Variants in BACE1 observed in about 807,000 individuals in gnomAD.
BACE1 encodes APP beta-secretase.
In BACE1, 21 loss-of-function variants were observed where a neutral mutation model predicts 54.0. The observed-to-expected ratio is 0.39, with a 90% CI of 0.28 to 0.56. The LOEUF (loss-of-function observed/expected upper bound fraction) is 0.56. BACE1 is among the 20% of genes least tolerant of loss of function. The probability of loss-of-function intolerance (pLI) is 0.63; values close to 1 mark genes in which losing one functional copy is unlikely to be tolerated. For synonymous variants in BACE1, 232 were observed against 260.9 expected, an observed-to-expected ratio of 0.89 and a Z score of 1.07; for missense variants, 511 against 661.2, an observed-to-expected ratio of 0.77 and a Z score of 2.49.
intron 1 of BACE1, among the ~76,000 whole-genome samples, chr11:117,305,979 T>G (rs2034825606): frequency 6.6e-6 from 1 of 152,088 alleles, no homozygotes; most frequent in Admixed American, 6.6e-5. Context: ...GAGCTTGCAG[T>G]GAGCCCAGAT....
At chr11:117,291,114 T>G in intron 6 of BACE1, 65 bp from the exon 7 acceptor site, 1 of 1,564,230 alleles carries the variant, frequency 6.4e-7, no homozygotes, top group Non-Finnish European at 8.7e-7. Flanking sequence ...CCTCCCATGT[T>G]CAGATACATT....
chr11:117,295,302 G>A lies in BACE1; in HGVS notation c.396C>T (p.Tyr132=), dbSNP rs779271868. 1 of 1,614,234 alleles carries A rather than the reference G, an allele frequency of 6.2e-7. No individual in the cohort carries two copies. Among genetic ancestry groups the A allele is most frequent in the Non-Finnish European group, 8.5e-7 (1 of 1,180,036 alleles). The change falls in exon 3 of 9, where the codon TAC becomes TAT. Residue 132 remains tyrosine, a synonymous_variant. Transcript: ENST00000313005. ...GCTCCCCTTCCCACTTGCCCTGGGT[G>A]TAGGGCACATACACACCCTTCCGGA... ...RDLRKGVYVP[Y]TQGKWEGELG...
At chr11:117,296,743 TCGCCC>T in intron 2 of BACE1, 125 bp downstream of exon 2, 2 of 687,454 alleles carry the variant, frequency 2.9e-6, no homozygotes, top group Admixed American at 5.9e-5. Flanking sequence ...TGTCTTTTTT[TCGCCC>T]TTCCCCTTCC....
chr11:117,310,067 C>A (rs1035742893), intron 1 of BACE1, among the ~76,000 whole-genome samples: 1 of 152,034 alleles, frequency 6.6e-6, no homozygotes, highest in South Asian at 2.1e-4. Flanking sequence ...CAGCACCACA[C>A]CTGGCTAATT....
intron 1 of BACE1, among the ~76,000 whole-genome samples, chr11:117,311,321 G>C (rs944622533): frequency 3.3e-5 from 5 of 152,158 alleles, no homozygotes; most frequent in African/African-American, 1.2e-4. Flanking sequence ...GAGAGACCCT[G>C]TAATTAATAA....
intron 1 of BACE1, among the ~76,000 whole-genome samples, chr11:117,305,802 G>A (rs1591866727): frequency 1.3e-5 from 2 of 152,022 alleles, no homozygotes; most frequent in South Asian, 4.2e-4. Flanking sequence ...TTGGGAGGCC[G>A]AGGCGGACGG....
intron 2 of BACE1, 164 bp from the exon 3 acceptor site, chr11:117,295,511 G>A (rs1420577449): frequency 5.9e-6 from 9 of 1,536,204 alleles, no homozygotes; most frequent in African/African-American, 1.4e-5. Context: ...CCAGAACAGA[G>A]TGTAAAGTGG....
In BACE1 at chr11:117,315,547, G is replaced by T. The variant is rs1208331823; in HGVS notation, c.249C>A (p.Ser83Arg). ...QGYYVEMTVG[S>R]PPQTLNILVD... ...CTGACCACCTTACCGTCTGCGGGGG[G>T]CTGCCCACGGTCATCTCCACGTAGT... is the stretch of plus-strand genomic sequence containing the variant. The change falls in exon 1 of 9, where the codon AGC becomes AGA. Residue 83 changes from serine to arginine, a missense_variant. Transcript: ENST00000313005. The surrounding 1 kb of genome is among the most constrained non-coding windows in gnomAD (Gnocchi z 5.5). The T allele has an allele frequency of 1.3e-6, 2 of 1,583,232 alleles. No individual in the cohort carries two copies. The highest frequency in any genetic ancestry group is 2.5e-5 in the East Asian group (1 of 40,610).
intron 1 of BACE1, among the ~76,000 whole-genome samples, chr11:117,305,689 T>C (rs1460575117): frequency 2.0e-5 from 3 of 152,070 alleles, no homozygotes; most frequent in Admixed American, 2.0e-4. Flanking sequence ...GAATGATGGA[T>C]GTCGATGGTC....
chr11:117,292,689 G>A (rs1347133125), intron 5 of BACE1: 1 of 174,464 alleles, frequency 5.7e-6, no homozygotes, highest in Non-Finnish European at 1.2e-5. Flanking sequence ...TGGCCTAAGG[G>A]TACATAGCTA....
intron 1 of BACE1, among the ~76,000 whole-genome samples, chr11:117,306,813 GA>G (rs1163269662): frequency 6.7e-6 from 1 of 150,242 alleles, no homozygotes; most frequent in African/African-American, 2.4e-5. Flanking sequence ...CCTGTCTCAA[GA>G]AAAAAAAAGA....
intron 1 of BACE1, 178 bp from the exon 2 acceptor site, chr11:117,297,139 G>A: frequency 1.8e-6 from 1 of 568,022 alleles, no homozygotes. Flanking sequence ...ACAGGACCTG[G>A]GGTCCTGTGG....
At chr11:117,297,141 G>A in intron 1 of BACE1, 180 bp from the exon 2 acceptor site, 1 of 566,028 alleles carries the variant, frequency 1.8e-6, no homozygotes. Context: ...AGGACCTGGG[G>A]TCCTGTGGTG....
chr11:117,307,313 T>C (rs1565365758), intron 1 of BACE1, among the ~76,000 whole-genome samples: 2 of 152,294 alleles, frequency 1.3e-5, no homozygotes, highest in Non-Finnish European at 2.9e-5. Context: ...TTTCTCTTCC[T>C]GGATTTTCTT....
Position 117,287,893 on chromosome 11 carries a change from C to T in BACE1, c.*1673G>A, listed in dbSNP as rs2034304313. ...AACACCAGAGGCCCTCCTTGTATTT[C>T]CCTCTCCCTTATCAGGTAATTCCAC... is the stretch of plus-strand genomic sequence containing the variant. On this transcript the variant is annotated 3_prime_UTR_variant, in exon 9 of 9. Transcript: ENST00000313005. 1 of 152,684 alleles carries T rather than the reference C, an allele frequency of 6.5e-6. No individual in the cohort carries two copies. The highest frequency in any genetic ancestry group is 2.4e-5 in the African/African-American group (1 of 41,464). 9.5% of individuals were successfully genotyped at this position (152,684 alleles called of 1,614,324 possible).
intron 1 of BACE1, among the ~76,000 whole-genome samples, chr11:117,300,468 G>A (rs2034700746): frequency 6.6e-6 from 1 of 152,196 alleles, no homozygotes; most frequent in Middle Eastern, 3.2e-3. Context: ...GGGGATGGGG[G>A]GGGCTCTTAA....
At chr11:117,304,825 G>T (rs2034795354) in intron 1 of BACE1, among the ~76,000 whole-genome samples, 1 of 152,088 alleles carries the variant, frequency 6.6e-6, no homozygotes, top group South Asian at 2.1e-4. Context: ...TCCACCAAGG[G>T]TAGGGAGCAT....
intron 1 of BACE1, among the ~76,000 whole-genome samples, chr11:117,302,910 A>G (rs1332379267): frequency 6.6e-6 from 1 of 152,126 alleles, no homozygotes; most frequent in African/African-American, 2.4e-5. Context: ...CTTCCATAGA[A>G]CTTGTCACTC....
At chr11:117,310,909 C>G (rs1380908742) in intron 1 of BACE1, among the ~76,000 whole-genome samples, 1 of 151,998 alleles carries the variant, frequency 6.6e-6, no homozygotes, top group Non-Finnish European at 1.5e-5. Flanking sequence ...TACTGGCCTT[C>G]TACCTGGCCA....
Sources: allele counts gnomAD v4.1 joint callset (sites outside exome capture counted in the v4.1 genomes callset), GRCh38; gene constraint gnomAD v4.1.1; non-coding constraint Gnocchi (gnomAD v3.1); transcripts MANE v1.5; gene names NCBI Gene and HGNC (gene_info 2026-07-23, HGNC 2026-07-21).